The following SNRPD2 variants were observed in gnomAD, a reference collection of about 807,000 sequenced individuals.
The protein encoded by SNRPD2 is small nuclear ribonucleoprotein D2 polypeptide.
In SNRPD2, 1 loss-of-function variant was observed where a neutral mutation model predicts 11.5. The ratio of observed to expected loss-of-function variants is 0.09; its 90% CI spans 0.03 to 0.41. SNRPD2 has a LOEUF of 0.41. SNRPD2 is among the 10% of genes least tolerant of loss of function. The pLI, the probability that SNRPD2 is intolerant of heterozygous loss-of-function variation, is 0.98. For synonymous variants in SNRPD2, 63 were observed against 61.5 expected (o/e 1.02, Z -0.12); for missense variants, 77 against 154.9 (o/e 0.50, Z 2.67).
rs1181196418 is a variant in SNRPD2, at chr19:45,687,609, G to C, written c.301C>G (p.Leu101Val). 1 of 1,614,224 alleles carries C rather than the reference G, an allele frequency of 6.2e-7. No individual in the cohort carries two copies. Among genetic ancestry groups the C allele is most frequent in the African/African-American group, 1.3e-5 (1 of 75,066 alleles). The change falls in exon 3 of 3, where the codon CTG becomes GTG. Residue 101 changes from leucine (L) to valine (V), a missense_variant. Coordinates refer to ENST00000342669, the MANE Select transcript of SNRPD2 (RefSeq NM_001384647.1). The surrounding 1 kb of genome is among the most constrained non-coding windows in gnomAD (Gnocchi z 4.1). ...ACCACGATGACTGAGTCCCCGCGCA[G>C]GAACATCTTGGAGATGTAGCGGTCT... ...NKDRYISKMF[L>V]RGDSVIVVLR...
Position 45,691,136 on chromosome 19 carries a change from T to G in SNRPD2, c.2+751A>C, listed in dbSNP as rs552564727. On this transcript the variant is annotated intron_variant, in intron 1 of 2. Coordinates refer to ENST00000342669, the MANE Select transcript of SNRPD2 (RefSeq NM_001384647.1). ...TCCCCCATTATTCGTTTTATTTCTTTTGTTTCGTTTTGAGATGGAGTCTTA... is the reference window on the plus strand; with the variant it reads ...TCCCCCATTATTCGTTTTATTTCTTGTGTTTCGTTTTGAGATGGAGTCTTA... Among the ~76,000 whole-genome samples, 3 of 152,262 alleles carry G rather than the reference T, an allele frequency of 2.0e-5. No individual in the cohort carries two copies. The South Asian group carries it at 6.2e-4, about 32-fold the overall frequency.
rs776962720 is a variant in SNRPD2, at chr19:45,688,098, T to C, written c.182+289A>G. 6.6e-5 allele frequency among the ~76,000 whole-genome samples: 10 copies of C among 152,212 alleles called. No homozygotes were observed. The highest frequency in any genetic ancestry group is 2.0e-4 in the Admixed American group (3 of 15,274). The stretch of plus-strand genomic sequence containing the variant: ...GCCTCCTGGGTTCAGGCTATTCTTG[T>C]GCCTCGGCCACCTGAGTAGCTGTGA... On this transcript the variant is annotated intron_variant, in intron 2 of 2. Coordinates refer to ENST00000342669, the MANE Select transcript of SNRPD2 (RefSeq NM_001384647.1). This position sits in a 1 kb window ranked among gnomAD's most constrained non-coding sequence, Gnocchi z 4.1.
chr19:45,687,572 G>A lies in SNRPD2; in HGVS notation c.338C>T (p.Pro113Leu), dbSNP rs1234138035. Residue 113 changes from proline to leucine, a missense_variant, in exon 3 of 3, where the codon CCG becomes CTG. By Grantham distance (98) the Pro-to-Leu change is moderately conservative (BLOSUM62 -3). Transcript: ENST00000342669. This position sits in a 1 kb window ranked among gnomAD's most constrained non-coding sequence, Gnocchi z 4.1. ...CGGCCCCTACTTGCCGGCGATGAGC[G>A]GGTTCCGCAGGACCACGATGACTGA... ...GDSVIVVLRN[P>L]LIAGK The A allele has an allele frequency of 6.2e-6, 10 of 1,614,096 alleles. No individual in the cohort carries two copies. Among genetic ancestry groups the A allele is most frequent in the Non-Finnish European group, 8.5e-6 (10 of 1,180,016 alleles).
rs1967448823 is a variant in SNRPD2 at position 45,687,782 on chromosome 19, TGCCCCCTACTGCCTGCTGCTC to T, written c.183-76_183-56del. Reference sequence around the variant, plus strand: ...GGCGTGAGGGGCGTGCCTCTGACAGTGCCCCCTACTGCCTGCTGCTCGCCCCCTCCAGCAGCATGGCTTGGG... The same window carrying T: ...GGCGTGAGGGGCGTGCCTCTGACAGTGCCCCCTCCAGCAGCATGGCTTGGG... On this transcript the variant is annotated intron_variant, in intron 2 of 2. Coordinates refer to ENST00000342669, the MANE Select transcript of SNRPD2 (RefSeq NM_001384647.1). This position sits in a 1 kb window ranked among gnomAD's most constrained non-coding sequence, Gnocchi z 4.1. 1 of 1,372,732 alleles carries T rather than the reference TGCCCCCTACTGCCTGCTGCTC, an allele frequency of 7.3e-7. No homozygotes were observed. The highest frequency in any genetic ancestry group is 1.0e-6 in the Non-Finnish European group (1 of 969,926). 85.0% of individuals were successfully genotyped at this position (1,372,732 alleles called of 1,614,324 possible). A position where few individuals can be genotyped will look rare whatever the true frequency, so the allele number is the denominator to read the frequency against.
upstream of SNRPD2, chr19:45,692,057 C>A (rs1395124259): frequency 1.9e-6 from 3 of 1,555,364 alleles, no homozygotes; most frequent in Non-Finnish European, 2.6e-6. Context: ...ACCAACGGTG[C>A]ACAATGATGG....
chr19:45,691,958 G>A (rs1003941348), upstream of SNRPD2: 8 of 1,613,586 alleles, frequency 5.0e-6, no homozygotes, highest in Non-Finnish European at 6.8e-6. Flanking sequence ...AGAGAGGCGG[G>A]ACTTCCTCTT....
rs747329162 is a variant in SNRPD2, at chr19:45,688,072, C to T, written c.182+315G>A. Among the ~76,000 whole-genome samples the T allele has an allele frequency of 7.9e-5, 12 of 152,204 alleles. No individual in the cohort carries two copies. The highest frequency in any genetic ancestry group is 1.5e-4 in the Non-Finnish European group (10 of 68,040). ...TGCGATTTCAGCTCACCACAACCTCCGCCTCCTGGGTTCAGGCTATTCTTG... is the reference window on the plus strand; with the variant it reads ...TGCGATTTCAGCTCACCACAACCTCTGCCTCCTGGGTTCAGGCTATTCTTG... On this transcript the variant is annotated intron_variant, in intron 2 of 2. Transcript: ENST00000342669. This position sits in a 1 kb window ranked among gnomAD's most constrained non-coding sequence, Gnocchi z 4.1.
intron 1 of SNRPD2, among the ~76,000 whole-genome samples, chr19:45,689,665 T>C (rs1172079711): frequency 6.6e-6 from 1 of 152,170 alleles, no homozygotes; most frequent in Non-Finnish European, 1.5e-5. Flanking sequence ...TGAAGTGAGA[T>C]CATGCCACTG....
At chr19:45,691,956 G>T (rs1371533683), upstream of SNRPD2, 45 of 1,613,540 alleles carry the variant, frequency 2.8e-5, 1 homozygote, top group Non-Finnish European at 2.5e-5. Flanking sequence ...AGAGAGAGGC[G>T]GGACTTCCTC....
chr19:45,688,645 G>C lies in SNRPD2; in HGVS notation c.3-79C>G. 1 of 1,136,340 alleles carries C rather than the reference G, an allele frequency of 8.8e-7. No homozygotes were observed. The highest frequency in any genetic ancestry group is 1.3e-6 in the Non-Finnish European group (1 of 760,262). 70.4% of individuals were successfully genotyped at this position (1,136,340 alleles called of 1,614,324 possible). A position where few individuals can be genotyped will look rare whatever the true frequency, so the allele number is the denominator to read the frequency against. On this transcript the variant is annotated intron_variant, in intron 1 of 2. Coordinates refer to ENST00000342669, the MANE Select transcript of SNRPD2 (RefSeq NM_001384647.1). This position sits in a 1 kb window ranked among gnomAD's most constrained non-coding sequence, Gnocchi z 4.1. ...GGAGCTGTGAGGATGGGTGATCAGG[G>C]CCTTGGCTTCAGTGTCTCCCCAACC...
At chr19:45,689,202 A>C (rs1267203935) in intron 1 of SNRPD2, 6 of 519,928 alleles carry the variant, frequency 1.2e-5, no homozygotes, top group Non-Finnish European at 1.9e-5. Context: ...CACATCCTAC[A>C]TGAAATCTGT....
Position 45,691,936 on chromosome 19 carries a change from C to T in SNRPD2, c.-48G>A, listed in dbSNP as rs1967572759. 7 of 1,614,072 alleles carry T rather than the reference C, an allele frequency of 4.3e-6. No homozygotes were observed. Among genetic ancestry groups the T allele is most frequent in the Non-Finnish European group, 5.9e-6 (7 of 1,179,926 alleles). On this transcript the variant is annotated 5_prime_UTR_variant, in exon 1 of 3. Transcript: ENST00000342669. The stretch of plus-strand genomic sequence containing the variant: ...CACTCCCGTTTCCTCCGCGTTGCTG[C>T]TGCCTGAGGAGAGAGAGGCGGGACT...
At position 45,691,891 on chromosome 19, in the gene SNRPD2, T is replaced by C. The variant is rs758011071; in HGVS notation, c.-3A>G. The C allele has an allele frequency of 8.7e-6, 14 of 1,613,982 alleles. No individual in the cohort carries two copies. The highest frequency in any genetic ancestry group is 4.4e-5 in the South Asian group (4 of 91,090). On this transcript the variant is annotated 5_prime_UTR_variant, in exon 1 of 3. Transcript: ENST00000342669. ...CTAAGCCTAGCCCGGCCTCACATGA[T>C]GGTCACTACGCTCTCCGTTCACTCC...
At chr19:45,689,299 C>T in intron 1 of SNRPD2, 1 of 520,132 alleles carries the variant, frequency 1.9e-6, no homozygotes, top group Non-Finnish European at 3.8e-6. Flanking sequence ...ACCCACGTTC[C>T]CTGACAGTCT....
chr19:45,688,428 G>A lies in SNRPD2; in HGVS notation c.141C>T (p.Arg47=). ...KNNTQVLINC[R]NNKKLLGRVK... Reference sequence around the variant, plus strand: ...CGCGGCCCAGGAGTTTCTTATTGTTGCGGCAGTTGATGAGCACTTGGGTAT... The same window carrying A: ...CGCGGCCCAGGAGTTTCTTATTGTTACGGCAGTTGATGAGCACTTGGGTAT... The change falls in exon 2 of 3, where the codon CGC becomes CGT. Residue 47 remains arginine (R), a synonymous_variant. Transcript: ENST00000342669. This position sits in a 1 kb window ranked among gnomAD's most constrained non-coding sequence, Gnocchi z 4.1. The A allele has an allele frequency of 6.2e-7, 1 of 1,614,180 alleles. No homozygotes were observed. The highest frequency in any genetic ancestry group is 8.5e-7 in the Non-Finnish European group (1 of 1,180,032).
chr19:45,689,785 G>A (rs543725909), intron 1 of SNRPD2, among the ~76,000 whole-genome samples: 1 of 152,250 alleles, frequency 6.6e-6, no homozygotes, highest in Non-Finnish European at 1.5e-5. Flanking sequence ...TGTAATCCCA[G>A]CACTTTGGGA....
chr19:45,691,996 C>A (rs1967574851), upstream of SNRPD2: 2 of 1,610,622 alleles, frequency 1.2e-6, no homozygotes, highest in Non-Finnish European at 1.7e-6. Context: ...TTGGCGCCTG[C>A]GCAAAGCCAA....
intron 1 of SNRPD2, chr19:45,689,475 C>G: frequency 3.7e-6 from 1 of 267,632 alleles, no homozygotes; most frequent in South Asian, 3.4e-5. Context: ...CGAGACCAGC[C>G]TGGCCAACAT....
upstream of SNRPD2, chr19:45,692,230 G>A: frequency 2.5e-6 from 1 of 398,354 alleles, no homozygotes; most frequent in Non-Finnish European, 4.5e-6. Flanking sequence ...ATGCCCGCCG[G>A]CCGTGACTTC....
Sources: allele counts gnomAD v4.1 joint callset (sites outside exome capture counted in the v4.1 genomes callset), GRCh38; gene constraint gnomAD v4.1.1; non-coding constraint Gnocchi (gnomAD v3.1); transcripts MANE v1.5; gene names NCBI Gene and HGNC (gene_info 2026-07-23, HGNC 2026-07-21).